FMN2: variants seen among roughly 807,000 people sequenced by gnomAD.
FMN2 encodes formin-2.
Under a neutral mutation model 142.3 loss-of-function variants are expected in FMN2, and 51 were observed. The observed-to-expected ratio is 0.36, with a 90% CI of 0.29 to 0.45. FMN2 has a LOEUF of 0.45. Ranked by LOEUF, FMN2 falls within the 20% of genes least tolerant of loss-of-function variation. FMN2 has a pLI of 1.00. For synonymous variants in FMN2, 882 were observed against 869.8 expected, an observed-to-expected ratio of 1.01 and a Z score of -0.25; for missense variants, 1,936 against 2,122.8, an observed-to-expected ratio of 0.91 and a Z score of 1.73.
At chr1:240,329,008 A>G (rs997519491) in intron 8 of FMN2, 68 bp from the exon 9 acceptor site, 3 of 1,336,306 alleles carry the variant, frequency 2.2e-6, no homozygotes, top group African/African-American at 1.5e-5. Flanking sequence ...TATCAAGATA[A>G]TTAGATTATT....
intron 14 of FMN2, among the ~76,000 whole-genome samples, chr1:240,366,656 G>A (rs1035412011): frequency 3.3e-5 from 5 of 151,550 alleles, no homozygotes; most frequent in African/African-American, 1.2e-4. Context: ...CTCTGCCTCA[G>A]CCTTCCAAGT....
chr1:240,437,958 A>G, intron 15 of FMN2, 103 bp from the exon 16 acceptor site: 2 of 1,399,732 alleles, frequency 1.4e-6, no homozygotes, highest in Admixed American at 2.2e-5. Context: ...TCTTGGTAAT[A>G]ATAATTGTGC....
intron 4 of FMN2, among the ~76,000 whole-genome samples, chr1:240,189,174 T>TAAAA (rs35564573): frequency 7.4e-4 from 108 of 146,270 alleles, no homozygotes; most frequent in African/African-American, 2.6e-3. Context: ...GATTTCTTAT[T>TAAAA]AAAAAAAAAA....
At chr1:240,094,318 G>A (rs1384347638) in intron 1 of FMN2, among the ~76,000 whole-genome samples, 1 of 152,176 alleles carries the variant, frequency 6.6e-6, no homozygotes, top group African/African-American at 2.4e-5. Flanking sequence ...GTTTGCTGCT[G>A]CAAGAAAATC....
intron 2 of FMN2, among the ~76,000 whole-genome samples, chr1:240,151,710 T>C (rs913166149): frequency 1.3e-5 from 2 of 152,116 alleles, no homozygotes; most frequent in African/African-American, 4.8e-5. Flanking sequence ...AGTGTAAGTC[T>C]ACCTCTGAAG....
intron 5 of FMN2, among the ~76,000 whole-genome samples, 185 bp downstream of exon 5, chr1:240,208,917 T>C (rs540351622): frequency 6.6e-6 from 1 of 152,322 alleles, no homozygotes; most frequent in Admixed American, 6.5e-5. Context: ...TCTCCAGAAG[T>C]ACCAAAGATG....
intron 6 of FMN2, among the ~76,000 whole-genome samples, chr1:240,220,110 C>T (rs1237308208): frequency 1.3e-5 from 2 of 152,124 alleles, no homozygotes; most frequent in Admixed American, 6.5e-5. Flanking sequence ...CTTGGTGAAT[C>T]CTCTCCCCAG....
intron 2 of FMN2, among the ~76,000 whole-genome samples, chr1:240,172,223 A>G (rs1664732256): frequency 8.4e-6 from 1 of 118,418 alleles, no homozygotes; most frequent in East Asian, 2.6e-4. Context: ...CACACAGAAA[A>G]AGACATTTAT....
chr1:240,305,049 A>G (rs6677640), intron 8 of FMN2, among the ~76,000 whole-genome samples: 54,990 of 151,868 alleles, frequency 0.36, 10,316 homozygotes, highest in African/African-American at 0.45. Context: ...TGGGGTTTCT[A>G]ATTTTTTCAT....
In FMN2 at chr1:240,100,442, G is replaced by C. The variant is rs114451082; in HGVS notation, c.1615+6718G>C. On this transcript the variant is annotated intron_variant, in intron 1 of 17. Transcript: ENST00000319653. Reference sequence around the variant, plus strand: ...TTGATAGTTATTAGATATCATTTTAGTGACAGTAGAAACTTTCTAAGGCTT... The same window carrying C: ...TTGATAGTTATTAGATATCATTTTACTGACAGTAGAAACTTTCTAAGGCTT... Among the ~76,000 whole-genome samples, 677 of 152,268 alleles carry C rather than the reference G, an allele frequency of 4.4e-3. 3 individuals are homozygous for C. The highest frequency in any genetic ancestry group is 0.016 in the African/African-American group (657 of 41,544).
intron 13 of FMN2, among the ~76,000 whole-genome samples, chr1:240,347,912 T>C (rs1232892320): frequency 2.0e-5 from 3 of 152,334 alleles, no homozygotes; most frequent in East Asian, 3.9e-4. Context: ...ATGGTGTATA[T>C]GTACCATATT....
chr1:240,106,326 C>T lies in FMN2; in HGVS notation c.1615+12602C>T, dbSNP rs182885164. ...CACCCTGAGTAGTCTATGAAACATC[C>T]AACATTTCCCTGCATGTTGATAAAT... is the stretch of plus-strand genomic sequence containing the variant. On this transcript the variant is annotated intron_variant, in intron 1 of 17. Transcript: ENST00000319653. Among the ~76,000 whole-genome samples the T allele has an allele frequency of 4.6e-5, 7 of 152,224 alleles. 1 individual carries two copies. Among genetic ancestry groups the T allele is most frequent in the East Asian group, 3.9e-4 (2 of 5,170 alleles).
rs1434699422 is a variant in FMN2, at chr1:240,093,541, G to A, written c.1432G>A (p.Gly478Ser). The A allele has an allele frequency of 1.3e-6, 2 of 1,548,792 alleles. No homozygotes were observed. The highest frequency in any genetic ancestry group is 1.4e-5 in the African/African-American group (1 of 71,044). ...CCGGGCCGACGGCGGCCTTGCGGCC[G>A]GCCTGAGCCGCTCGGCTGACTGGAC... is the stretch of plus-strand genomic sequence containing the variant. ...KHRADGGLAA[G>S]LSRSADWTEE... is the part of the protein sequence containing the mutation. The change falls in exon 1 of 18, where the codon GGC (glycine) becomes AGC (serine). Residue 478 changes from glycine (G) to serine (S), a missense_variant. Transcript: ENST00000319653.
chr1:240,450,383 C>T (rs1251648872), intron 16 of FMN2, among the ~76,000 whole-genome samples: 1 of 152,094 alleles, frequency 6.6e-6, no homozygotes, highest in Admixed American at 6.6e-5. Flanking sequence ...TTTCGATTTA[C>T]TTTGCTTTTG....
intron 2 of FMN2, among the ~76,000 whole-genome samples, chr1:240,159,970 T>TAC (rs1221510945): frequency 1.6e-3 from 178 of 113,916 alleles, no homozygotes; most frequent in African/African-American, 4.5e-3. Context: ...TGTATATATA[T>TAC]ATATACACAC....
At chr1:240,324,311 G>T (rs61829205) in intron 8 of FMN2, among the ~76,000 whole-genome samples, 9,424 of 152,178 alleles carry the variant, frequency 0.062, 401 homozygotes, top group Non-Finnish European at 0.087. Context: ...GGCATTATTT[G>T]AAAATTGGCA....
chr1:240,161,959 A>C (rs1664298757), intron 2 of FMN2, among the ~76,000 whole-genome samples: 1 of 151,966 alleles, frequency 6.6e-6, no homozygotes, highest in Non-Finnish European at 1.5e-5. Flanking sequence ...AAAGACTGAT[A>C]ATTTGGAGTA....
chr1:240,376,228 C>T (rs1486182044), intron 14 of FMN2, among the ~76,000 whole-genome samples: 1 of 151,918 alleles, frequency 6.6e-6, no homozygotes, highest in Non-Finnish European at 1.5e-5. Flanking sequence ...AAGTGAATTT[C>T]TTTTCCTAGA....
intron 6 of FMN2, among the ~76,000 whole-genome samples, chr1:240,219,665 T>G (rs1049085598): frequency 6.6e-6 from 1 of 151,966 alleles, no homozygotes; most frequent in East Asian, 1.9e-4. Flanking sequence ...TTGTATTTAT[T>G]TTTTTTTGAG....
Sources: gnomAD v4.1 joint callset for allele counts (sites outside exome capture counted in the v4.1 genomes callset) on GRCh38, gnomAD v4.1.1 for gene constraint, MANE v1.5 for transcripts, NCBI Gene and HGNC (gene_info 2026-07-23, HGNC 2026-07-21) for gene names.